The following LRP1B variants were observed in gnomAD, a reference collection of about 807,000 sequenced individuals.
LRP1B encodes low-density lipoprotein receptor-related protein 1B.
Under a neutral mutation model 556.6 loss-of-function variants are expected in LRP1B, and 217 were observed. That is an observed-to-expected ratio of 0.39 (90% CI 0.35 to 0.44). The LOEUF (loss-of-function observed/expected upper bound fraction) is 0.44. LRP1B is among the 20% of genes least tolerant of loss of function. LRP1B has a pLI of 1.00. For synonymous variants in LRP1B, 2,047 were observed against 1,865.8 expected (o/e 1.10, Z -2.50); for missense variants, 5,053 against 5,620.8 (o/e 0.90, Z 3.23).
chr2:140,638,567 T>C (rs1010984709), intron 41 of LRP1B, among the ~76,000 whole-genome samples: 1 of 152,160 alleles, frequency 6.6e-6, no homozygotes, highest in African/African-American at 2.4e-5. Context: ...CCATGTCTGA[T>C]TTGTTTTTCC....
intron 3 of LRP1B, among the ~76,000 whole-genome samples, chr2:141,276,748 C>A (rs896502275): frequency 1.3e-5 from 2 of 151,104 alleles, no homozygotes; most frequent in African/African-American, 4.9e-5. Flanking sequence ...GCTCCGCCTC[C>A]CCGGTTCACG....
chr2:140,653,553 G>C (rs1246059817), intron 41 of LRP1B, among the ~76,000 whole-genome samples: 1 of 151,946 alleles, frequency 6.6e-6, no homozygotes, highest in African/African-American at 2.4e-5. Flanking sequence ...TGGTGATATG[G>C]TAGAAAATAG....
chr2:140,675,763 C>A (rs995704693), intron 41 of LRP1B, among the ~76,000 whole-genome samples: 1 of 152,060 alleles, frequency 6.6e-6, no homozygotes, highest in Admixed American at 6.6e-5. Context: ...GGCAACAGAG[C>A]AAGACCCTGT....
intron 29 of LRP1B, among the ~76,000 whole-genome samples, chr2:140,847,892 GT>G (rs1423520717): frequency 1.4e-4 from 21 of 152,098 alleles, no homozygotes; most frequent in African/African-American, 5.1e-4. Flanking sequence ...TCAAATTTTG[GT>G]TGATAATTGT....
intron 32 of LRP1B, among the ~76,000 whole-genome samples, chr2:140,789,840 C>T (rs1370248395): frequency 2.0e-5 from 3 of 151,392 alleles, no homozygotes; most frequent in Non-Finnish European, 4.4e-5. Flanking sequence ...CCGTTTTAGC[C>T]GGGATGGTCT....
At chr2:140,720,498 A>G (rs753011773) in intron 35 of LRP1B, among the ~76,000 whole-genome samples, 47 of 152,194 alleles carry the variant, frequency 3.1e-4, no homozygotes, top group South Asian at 8.3e-4. Flanking sequence ...AGGGAAAACC[A>G]TATATTGCTA....
chr2:141,042,698 G>A (rs1372861479), intron 11 of LRP1B, among the ~76,000 whole-genome samples: 1 of 151,956 alleles, frequency 6.6e-6, no homozygotes, highest in African/African-American at 2.4e-5. Flanking sequence ...GATTGTATGG[G>A]ACAATGAACA....
chr2:140,592,833 A>G (rs1241495431), intron 43 of LRP1B, among the ~76,000 whole-genome samples: 1 of 152,026 alleles, frequency 6.6e-6, no homozygotes, highest in Non-Finnish European at 1.5e-5. Flanking sequence ...CCAACTACTT[A>G]GGAGGCCAAA....
chr2:141,674,471 A>G (rs1448722032), intron 2 of LRP1B, among the ~76,000 whole-genome samples: 2 of 152,100 alleles, frequency 1.3e-5, no homozygotes, highest in Admixed American at 6.6e-5. Context: ...CCAAGATTGT[A>G]TTCAATACTA....
chr2:140,601,290 T>C (rs1036965807), intron 42 of LRP1B, among the ~76,000 whole-genome samples, 160 bp downstream of exon 42: 3 of 142,974 alleles, frequency 2.1e-5, no homozygotes, highest in African/African-American at 7.7e-5. Context: ...ATTTTTCACA[T>C]TTATAATGCT....
At chr2:141,984,560 C>A (rs546857051) in intron 1 of LRP1B, among the ~76,000 whole-genome samples, 1 of 152,174 alleles carries the variant, frequency 6.6e-6, no homozygotes, top group African/African-American at 2.4e-5. Context: ...ATAATCATAT[C>A]TTTCCTGTGT....
intron 86 of LRP1B, among the ~76,000 whole-genome samples, chr2:140,252,561 C>T (rs1681487090): frequency 6.6e-6 from 1 of 151,292 alleles, no homozygotes; most frequent in Non-Finnish European, 1.5e-5. Context: ...TGCCATGATC[C>T]TTTTAATTCA....
intron 84 of LRP1B, among the ~76,000 whole-genome samples, chr2:140,281,377 T>C (rs545278468): frequency 9.2e-5 from 14 of 151,996 alleles, no homozygotes; most frequent in African/African-American, 2.9e-4. Context: ...GCTATTCACA[T>C]TGTAATAATT....
intron 35 of LRP1B, among the ~76,000 whole-genome samples, chr2:140,755,528 A>G (rs1255816052): frequency 6.6e-6 from 1 of 152,014 alleles, no homozygotes; most frequent in Non-Finnish European, 1.5e-5. Context: ...TTTTGGAAAT[A>G]TATTAATTTA....
chr2:142,012,109 T>G (rs1244812168), intron 1 of LRP1B, among the ~76,000 whole-genome samples: 1 of 152,160 alleles, frequency 6.6e-6, no homozygotes. Flanking sequence ...CCCAAAATAT[T>G]CATTATCGTC....
intron 20 of LRP1B, among the ~76,000 whole-genome samples, chr2:140,923,863 A>G (rs568228785): frequency 2.6e-5 from 4 of 152,144 alleles, no homozygotes; most frequent in African/African-American, 9.6e-5. Context: ...GCAGGTAAAC[A>G]TAAATAAAAG....
intron 3 of LRP1B, among the ~76,000 whole-genome samples, chr2:141,356,935 C>G (rs1188072726): frequency 2.0e-5 from 3 of 152,152 alleles, no homozygotes; most frequent in African/African-American, 7.2e-5. Flanking sequence ...GTTTCACCAG[C>G]CTCCCTTTCA....
intron 7 of LRP1B, among the ~76,000 whole-genome samples, chr2:141,096,445 C>CG (rs1157524128): frequency 6.6e-6 from 1 of 151,780 alleles, no homozygotes; most frequent in African/African-American, 2.4e-5. Context: ...AAAATTATCC[C>CG]GGGATGATGA....
rs1199967305 is a variant in LRP1B at position 140,841,153 on chromosome 2, C to T, written c.4940-61G>A. 2.8e-6 allele frequency: 3 copies of T among 1,076,990 alleles called. No homozygotes were observed. In the Admixed American group the frequency reaches 7.7e-5, roughly 28 times the overall value. The allele number at this position is 1,076,990 out of a possible 1,614,324, so 66.7% of individuals were successfully genotyped here. On this transcript the variant is annotated intron_variant, in intron 29 of 90. Transcript: ENST00000389484. ...GAAGTTTTTCATTGTACTGGCTCTGCAAGTAGTTATTTTCTATCTAAGGGA... is the reference window on the plus strand; with the variant it reads ...GAAGTTTTTCATTGTACTGGCTCTGTAAGTAGTTATTTTCTATCTAAGGGA...
Sources: allele counts gnomAD v4.1 joint callset (sites outside exome capture counted in the v4.1 genomes callset), GRCh38; gene constraint gnomAD v4.1.1; transcripts MANE v1.5; gene names NCBI Gene and HGNC (gene_info 2026-07-23, HGNC 2026-07-21).